SYNM: variants seen among roughly 807,000 people sequenced by gnomAD.
SYNM encodes desmuslin.
SYNM carries 95 observed loss-of-function variants against 104.0 expected under a neutral mutation model. The observed-to-expected ratio is 0.91, with a 90% CI of 0.77 to 1.08. The LOEUF (loss-of-function observed/expected upper bound fraction) is 1.08. Among genes scored for constraint, SYNM ranks in the 50% least tolerant of loss-of-function variants. The pLI, the probability that SYNM is intolerant of heterozygous loss-of-function variation, is 0.00. For missense variants in SYNM, 2,150 were observed against 2,052.2 expected (o/e 1.05, Z -0.92); for synonymous variants, 918 against 869.0 (o/e 1.06, Z -0.99).
rs1555485620 is a variant in SYNM at position 99,130,533 on chromosome 15, A to G, written c.2173A>G (p.Met725Val). Reference sequence around the variant, plus strand: ...GCTGAAAGGCAAGTCAGCCGAGCAGATGATAGGAGACATCATCAACCTCGG... The same window carrying G: ...GCTGAAAGGCAAGTCAGCCGAGCAGGTGATAGGAGACATCATCAACCTCGG... ...VGLKGKSAEQ[M>V]IGDIINLGLK... Residue 725 changes from methionine (M) to valine (V), a missense_variant, in exon 4 of 4, where the codon ATG becomes GTG. By Grantham distance (21) the Met-to-Val change is conservative (BLOSUM62 1). Transcript: ENST00000336292. 2 of 1,613,944 alleles carry G rather than the reference A, an allele frequency of 1.2e-6. No individual in the cohort carries two copies. The highest frequency in any genetic ancestry group is 2.2e-5 in the South Asian group (2 of 91,056).
chr15:99,139,238 C>T, downstream of SYNM: 3 of 1,551,672 alleles, frequency 1.9e-6, no homozygotes, highest in Non-Finnish European at 2.6e-6. Flanking sequence ...TTACACAGAA[C>T]CTTCTAGAAC....
downstream of SYNM, chr15:99,136,469 A>C (rs1555486858): frequency 6.6e-6 from 1 of 152,276 alleles, no homozygotes; most frequent in Non-Finnish European, 1.5e-5. Context: ...AGGTGCCAAC[A>C]GTTTCATTTC....
chr15:99,136,159 C>T (rs968339937), downstream of SYNM, among the ~76,000 whole-genome samples: 1 of 149,974 alleles, frequency 6.7e-6, no homozygotes, highest in African/African-American at 2.5e-5. Flanking sequence ...TATAGTCTTC[C>T]TCTCGTTGAA....
chr15:99,111,187 C>T (rs2151799594), intron 1 of SYNM, among the ~76,000 whole-genome samples: 1 of 152,302 alleles, frequency 6.6e-6, no homozygotes, highest in South Asian at 2.1e-4. Flanking sequence ...ACTAGGCTTT[C>T]TTGACCTGCT....
intron 3 of SYNM, among the ~76,000 whole-genome samples, chr15:99,127,816 CT>C (rs2067461027): frequency 6.6e-6 from 1 of 152,112 alleles, no homozygotes. Flanking sequence ...CATTTTTAAC[CT>C]GTGGATACCT....
At chr15:99,126,981 A>G (rs1241576009) in intron 3 of SYNM, among the ~76,000 whole-genome samples, 189 bp downstream of exon 3, 2 of 152,182 alleles carry the variant, frequency 1.3e-5, no homozygotes, top group Non-Finnish European at 2.9e-5. Flanking sequence ...TGTGAATGAG[A>G]ATGTTTGGGA....
At position 99,130,901 on chromosome 15, in the gene SYNM, C is replaced by T; in HGVS notation, c.2541C>T (p.Gly847=). 5 of 1,613,928 alleles carry T rather than the reference C, an allele frequency of 3.1e-6. No individual in the cohort carries two copies. The highest frequency in any genetic ancestry group is 1.3e-5 in the African/African-American group (1 of 75,020). ...EHPGGHDRDD[G]SVYGQIHIEE... ...CCGGGGGGCACGACAGAGATGACGG[C>T]TCGGTGTACGGGCAGATCCACATCG... Residue 847 remains glycine (G), a synonymous_variant, in exon 4 of 4, where the codon GGC becomes GGT. Coordinates refer to ENST00000336292, the MANE Select transcript of SYNM (RefSeq NM_145728.3).
In SYNM at chr15:99,132,718, C is replaced by T. The variant is rs2067524597; in HGVS notation, c.4358C>T (p.Pro1453Leu). 2.5e-6 allele frequency: 4 copies of T among 1,613,858 alleles called. No individual in the cohort carries two copies. The highest frequency in any genetic ancestry group is 2.2e-5 in the East Asian group (1 of 44,896). ...AGCAGAACGCTAAGGCACATTGCAC[C>T]AGGGCCCAAAGAAACTTCGTTTACC... ...DSSRTLRHIAPGPKETSFTFQ... is the reference protein window; with the variant it reads ...DSSRTLRHIALGPKETSFTFQ... The change falls in exon 4 of 4, where the codon CCA (proline) becomes CTA (leucine). Residue 1453 changes from proline (P) to leucine (L), a missense_variant. Pro to Leu is a moderately conservative substitution (Grantham distance 98). Coordinates refer to ENST00000336292, the MANE Select transcript of SYNM (RefSeq NM_145728.3).
At chr15:99,121,897 G>A (rs782218500) in intron 2 of SYNM, among the ~76,000 whole-genome samples, 5 of 152,212 alleles carry the variant, frequency 3.3e-5, no homozygotes, top group Admixed American at 1.3e-4. Flanking sequence ...GACAGACAAC[G>A]CGGTCTCTGT....
chr15:99,117,167 G>T (rs763474357), intron 2 of SYNM, among the ~76,000 whole-genome samples: 1 of 104,200 alleles, frequency 9.6e-6, no homozygotes, highest in Non-Finnish European at 2.3e-5. Flanking sequence ...CATCCAAACC[G>T]TATCAAATCC....
In SYNM at chr15:99,129,913, C is replaced by A. The variant is rs376244128; in HGVS notation, c.1553C>A (p.Thr518Lys). 37 of 1,612,482 alleles carry A rather than the reference C, an allele frequency of 2.3e-5. No individual in the cohort carries two copies. The highest frequency in any genetic ancestry group is 3.1e-5 in the Non-Finnish European group (36 of 1,179,200). The change falls in exon 4 of 4, where the codon ACA (threonine) becomes AAA (lysine). Residue 518 changes from threonine (T) to lysine (K), a missense_variant. Coordinates refer to ENST00000336292, the MANE Select transcript of SYNM (RefSeq NM_145728.3). ...AGAAACAGACCAGAAACCATCCGAA[C>A]AAAGCCAGAAGAGAAAATGTTCGAT... is the stretch of plus-strand genomic sequence containing the variant. ...QERNRPETIRTKPEEKMFDSK... is the reference protein window; with the variant it reads ...QERNRPETIRKKPEEKMFDSK...
chr15:99,130,494 A>AT lies in SYNM; in HGVS notation c.2136dup (p.Lys713Ter). On this transcript the variant is annotated frameshift_variant, in exon 4 of 4. Coordinates refer to ENST00000336292, the MANE Select transcript of SYNM (RefSeq NM_145728.3). LOFTEE classifies it high-confidence loss of function. ...CCTGGACTACCTTTTAAGCAAGGAT[A>AT]TTAAGGAAGTGGGGCTGAAAGGCAA... 1 of 1,613,932 alleles carries AT rather than the reference A, an allele frequency of 6.2e-7. No homozygotes were observed. Among genetic ancestry groups the AT allele is most frequent in the Non-Finnish European group, 8.5e-7 (1 of 1,179,892 alleles).
In SYNM at chr15:99,113,678, G is replaced by A; in HGVS notation, c.898G>A (p.Val300Met). The A allele has an allele frequency of 2.5e-6, 4 of 1,613,612 alleles. No homozygotes were observed. The highest frequency in any genetic ancestry group is 3.4e-6 in the Non-Finnish European group (4 of 1,179,746). The change falls in exon 2 of 4, where the codon GTG becomes ATG. Residue 300 changes from valine to methionine, a missense_variant. Coordinates refer to ENST00000336292, the MANE Select transcript of SYNM (RefSeq NM_145728.3). ...GCGGGACTATCAGGACCTCCTGCAG[G>A]TGAAGACCGGCCTCAGTCTGGAGGT... ...WLRDYQDLLQ[V>M]KTGLSLEVAT...
intron 3 of SYNM, among the ~76,000 whole-genome samples, chr15:99,127,869 G>T (rs2067461726): frequency 6.6e-6 from 1 of 152,164 alleles, no homozygotes; most frequent in African/African-American, 2.4e-5. Context: ...GAGGGGAGAA[G>T]GAAGAAAAGG....
chr15:99,117,426 C>A (rs1173995168), intron 2 of SYNM, among the ~76,000 whole-genome samples: 1 of 152,200 alleles, frequency 6.6e-6, no homozygotes, highest in Non-Finnish European at 1.5e-5. Flanking sequence ...GTCACATGGA[C>A]TGAGACTGGG....
At chr15:99,107,578 C>G (rs1360347549) in intron 1 of SYNM, among the ~76,000 whole-genome samples, 1 of 152,202 alleles carries the variant, frequency 6.6e-6, no homozygotes, top group Non-Finnish European at 1.5e-5. Flanking sequence ...TCACTTGGCA[C>G]ATTTCAGACC....
Position 99,130,535 on chromosome 15 carries a change from G to A in SYNM, c.2175G>A (p.Met725Ile). The change falls in exon 4 of 4, where the codon ATG (methionine) becomes ATA (isoleucine). Residue 725 changes from methionine (M) to isoleucine (I), a missense_variant. Coordinates refer to ENST00000336292, the MANE Select transcript of SYNM (RefSeq NM_145728.3). ...VGLKGKSAEQ[M>I]IGDIINLGLK... ...TGAAAGGCAAGTCAGCCGAGCAGAT[G>A]ATAGGAGACATCATCAACCTCGGCC... 6.2e-7 allele frequency: 1 copy of A among 1,613,918 alleles called. No individual in the cohort carries two copies.
Position 99,130,379 on chromosome 15 carries a change from G to T in SYNM, c.2019G>T (p.Arg673Ser), listed in dbSNP as rs1332660785. Residue 673 changes from arginine (R) to serine (S), a missense_variant, in exon 4 of 4, where the codon AGG becomes AGT. Arg to Ser is a moderately radical substitution (Grantham distance 110). Transcript: ENST00000336292. ...FPDTKVTYVDRKELPGERKTK... is the reference protein window; with the variant it reads ...FPDTKVTYVDSKELPGERKTK... The stretch of plus-strand genomic sequence containing the variant: ...ACACAAAAGTCACTTACGTGGACAG[G>T]AAAGAGCTTCCTGGGGAAAGGAAAA... 2 of 1,613,596 alleles carry T rather than the reference G, an allele frequency of 1.2e-6. No individual in the cohort carries two copies. The highest frequency in any genetic ancestry group is 2.7e-5 in the African/African-American group (2 of 74,942).
In SYNM at chr15:99,133,687, A is replaced by G. The variant is rs2067536096; in HGVS notation, c.*629A>G. The G allele has an allele frequency of 6.5e-6, 1 of 154,456 alleles. No homozygotes were observed. The highest frequency in any genetic ancestry group is 2.4e-5 in the African/African-American group (1 of 41,472). The allele number at this position is 154,456 out of a possible 1,614,324, so 9.6% of individuals were successfully genotyped here. A position where few individuals can be genotyped will look rare whatever the true frequency, so the allele number is the denominator to read the frequency against. On this transcript the variant is annotated 3_prime_UTR_variant, in exon 4 of 4. Coordinates refer to ENST00000336292, the MANE Select transcript of SYNM (RefSeq NM_145728.3). Reference sequence around the variant, plus strand: ...CAGAACTTTAAACAATATAGTATTTATGGCGAGGACAGCTGTAGTCTGTTG... The same window carrying G: ...CAGAACTTTAAACAATATAGTATTTGTGGCGAGGACAGCTGTAGTCTGTTG...
Sources: allele counts gnomAD v4.1 joint callset (sites outside exome capture counted in the v4.1 genomes callset), GRCh38; gene constraint gnomAD v4.1.1; transcripts MANE v1.5; gene names NCBI Gene and HGNC (gene_info 2026-07-23, HGNC 2026-07-21).